SEC24C: variants seen among roughly 807,000 people sequenced by gnomAD.
SEC24C encodes SEC24 homolog C, COPII component.
SEC24C carries 22 observed loss-of-function variants against 117.0 expected under a neutral mutation model. That is an observed-to-expected ratio of 0.19 (90% CI 0.13 to 0.27). The LOEUF (loss-of-function observed/expected upper bound fraction) is 0.27, where lower values mean the gene tolerates loss of function less well. Among genes scored for constraint, SEC24C ranks in the 10% least tolerant of loss-of-function variants. The pLI is 1.00. For synonymous variants in SEC24C, 506 were observed against 529.4 expected, an observed-to-expected ratio of 0.96 and a Z score of 0.61; for missense variants, 1,155 against 1,375.1, an observed-to-expected ratio of 0.84 and a Z score of 2.53.
At chr10:73,749,464 C>T (rs1385186342) in intron 2 of SEC24C, among the ~76,000 whole-genome samples, 1 of 151,954 alleles carries the variant, frequency 6.6e-6, no homozygotes, top group Non-Finnish European at 1.5e-5. Context: ...TCTGTAATGT[C>T]ATGGTAATAA....
At chr10:73,762,673 C>G (rs1015674122) in intron 6 of SEC24C, among the ~76,000 whole-genome samples, 1 of 152,170 alleles carries the variant, frequency 6.6e-6, no homozygotes, top group Non-Finnish European at 1.5e-5. Flanking sequence ...GTCTTTTTGA[C>G]TCTGATATAT....
At chr10:73,752,713 C>A (rs2082658974) in intron 3 of SEC24C, among the ~76,000 whole-genome samples, 1 of 151,996 alleles carries the variant, frequency 6.6e-6, no homozygotes, top group Non-Finnish European at 1.5e-5. Context: ...AATACCAGCA[C>A]TTGGGGAGGC....
intron 1 of SEC24C, among the ~76,000 whole-genome samples, chr10:73,744,855 C>G (rs1254526017): frequency 1.3e-5 from 2 of 152,056 alleles, no homozygotes; most frequent in Admixed American, 1.3e-4. Context: ...AGAATGGAGT[C>G]GAGACTTCAG....
At chr10:73,763,804 G>A in intron 7 of SEC24C, 52 bp from the exon 8 acceptor site, 1 of 1,588,538 alleles carries the variant, frequency 6.3e-7, no homozygotes, top group Non-Finnish European at 8.6e-7. Context: ...TGGAGAGCTG[G>A]TGTCTGGAAG....
intron 14 of SEC24C, among the ~76,000 whole-genome samples, chr10:73,767,488 CA>C (rs2082902841): frequency 6.6e-6 from 1 of 152,020 alleles, no homozygotes; most frequent in Admixed American, 6.6e-5. Context: ...ACTAACATGG[CA>C]AAACCCCGTC....
chr10:73,760,342 C>T lies in SEC24C; in HGVS notation c.806C>T (p.Pro269Leu). The change falls in exon 5 of 23, where the codon CCT becomes CTT. Residue 269 changes from proline (P) to leucine (L), a missense_variant. By Grantham distance (98) the Pro-to-Leu change is moderately conservative. Coordinates refer to ENST00000345254, the MANE Select transcript of SEC24C (RefSeq NM_198597.3). ...ACTGGGCCCCTGGGACCACTGCCAC[C>T]TATGCACTCCCCGCAGCAGCCAGGC... ...QMTGPLGPLP[P>L]MHSPQQPGYQ... The T allele has an allele frequency of 1.9e-6, 3 of 1,609,064 alleles. No homozygotes were observed. Among genetic ancestry groups the T allele is most frequent in the Non-Finnish European group, 2.5e-6 (3 of 1,179,110 alleles).
intron 3 of SEC24C, among the ~76,000 whole-genome samples, chr10:73,753,938 A>G (rs2082676638): frequency 6.6e-6 from 1 of 151,962 alleles, no homozygotes; most frequent in Non-Finnish European, 1.5e-5. Flanking sequence ...AAATTCATAA[A>G]CTTCCTTAAA....
intron 2 of SEC24C, 115 bp from the exon 3 acceptor site, chr10:73,750,993 C>G: frequency 9.1e-7 from 1 of 1,101,512 alleles, no homozygotes; most frequent in Non-Finnish European, 1.3e-6. Context: ...ACTGCCTAAA[C>G]TGTGGTATTG....
chr10:73,753,560 T>C (rs925675314), intron 3 of SEC24C, among the ~76,000 whole-genome samples: 3 of 152,116 alleles, frequency 2.0e-5, no homozygotes, highest in Admixed American at 6.5e-5. Flanking sequence ...CCTAGCTACT[T>C]TGGGAGGCTG....
At chr10:73,767,654 T>C (rs926080450) in intron 14 of SEC24C, among the ~76,000 whole-genome samples, 183 bp from the exon 15 acceptor site, 2 of 152,074 alleles carry the variant, frequency 1.3e-5, no homozygotes, top group African/African-American at 2.4e-5. Flanking sequence ...GGTGACAGAG[T>C]GAGACCCTGT....
intron 3 of SEC24C, among the ~76,000 whole-genome samples, chr10:73,758,530 A>G (rs1276405536): frequency 1.3e-5 from 2 of 152,186 alleles, no homozygotes; most frequent in Non-Finnish European, 2.9e-5. Flanking sequence ...GAAATACTGC[A>G]TTCTTTAACT....
At chr10:73,763,346 AAGG>A (rs1433899359) in intron 6 of SEC24C, 141 bp from the exon 7 acceptor site, 2 of 512,016 alleles carry the variant, frequency 3.9e-6, no homozygotes, top group East Asian at 3.0e-5. Flanking sequence ...TGATCTCCAG[AAGG>A]AGAACAGGCC....
intron 1 of SEC24C, among the ~76,000 whole-genome samples, 165 bp downstream of exon 1, chr10:73,744,602 A>G (rs1385139220): frequency 6.6e-6 from 1 of 152,078 alleles, no homozygotes; most frequent in African/African-American, 2.4e-5. Flanking sequence ...CAGGTCCTAG[A>G]CCATCCCTTC....
intron 8 of SEC24C, among the ~76,000 whole-genome samples, chr10:73,765,038 G>T (rs1203732471): frequency 6.6e-6 from 1 of 152,182 alleles, no homozygotes; most frequent in Admixed American, 6.5e-5. Context: ...ACGGGAGGAG[G>T]TGTTACAGAT....
chr10:73,766,000 T>C, intron 10 of SEC24C, 85 bp downstream of exon 10: 1 of 1,589,642 alleles, frequency 6.3e-7, no homozygotes, highest in East Asian at 2.2e-5. Flanking sequence ...CTCACCCCTT[T>C]TTTGTCCCTT....
Position 73,763,845 on chromosome 10 carries a change from T to G in SEC24C, c.1100-11T>G, listed in dbSNP as rs779886097. On this transcript the variant is annotated splice_polypyrimidine_tract_variant and intron_variant, in intron 7 of 22. Coordinates refer to ENST00000345254, the MANE Select transcript of SEC24C (RefSeq NM_198597.3). Reference sequence around the variant, plus strand: ...TGTGATCTGACTCGGGTCTTCTGCCTCCTTCTTCAGGGAATGCAAGTCCCC... The same window carrying G: ...TGTGATCTGACTCGGGTCTTCTGCCGCCTTCTTCAGGGAATGCAAGTCCCC... 5 of 1,612,858 alleles carry G rather than the reference T, an allele frequency of 3.1e-6. No individual in the cohort carries two copies. Among genetic ancestry groups the G allele is most frequent in the Non-Finnish European group, 8.5e-7 (1 of 1,179,396 alleles).
At position 73,765,390 on chromosome 10, in the gene SEC24C, C is replaced by T; in HGVS notation, c.1228-61C>T. The T allele has an allele frequency of 3.8e-6, 6 of 1,576,952 alleles. No homozygotes were observed. The South Asian group carries it at 5.6e-5, about 15-fold the overall frequency. ...TCTTCCTCCGGTTGTTCTTCCTCAT[C>T]TCCTGGCTGAACCTACTGTGGTTTT... On this transcript the variant is annotated intron_variant, in intron 8 of 22. Coordinates refer to ENST00000345254, the MANE Select transcript of SEC24C (RefSeq NM_198597.3).
chr10:73,753,257 G>T (rs912995158), intron 3 of SEC24C, among the ~76,000 whole-genome samples: 1 of 152,106 alleles, frequency 6.6e-6, no homozygotes, highest in Non-Finnish European at 1.5e-5. Flanking sequence ...TCGCCATGTT[G>T]GACAGGCTGG....
Position 73,763,545 on chromosome 10 carries a change from G to A in SEC24C, c.1043G>A (p.Gly348Glu). The change falls in exon 7 of 23, where the codon GGA (glycine) becomes GAA (glutamate). Residue 348 changes from glycine (G) to glutamate (E), a missense_variant. Coordinates refer to ENST00000345254, the MANE Select transcript of SEC24C (RefSeq NM_198597.3). ...CGGGGTACAGAGCCATTTGTTACTG[G>A]AGTACGGGGCCAGGTGCCACCCTTA... is the stretch of plus-strand genomic sequence containing the variant. ...NNRGTEPFVT[G>E]VRGQVPPLVT... The A allele has an allele frequency of 6.2e-7, 1 of 1,613,960 alleles. No homozygotes were observed. The highest frequency in any genetic ancestry group is 8.5e-7 in the Non-Finnish European group (1 of 1,179,944).
Sources: allele counts gnomAD v4.1 joint callset (sites outside exome capture counted in the v4.1 genomes callset), GRCh38; gene constraint gnomAD v4.1.1; transcripts MANE v1.5; gene names NCBI Gene and HGNC (gene_info 2026-07-23, HGNC 2026-07-21).